The following PARD3B variants were observed in gnomAD, a reference collection of about 807,000 sequenced individuals.
PARD3B encodes par-3 family cell polarity regulator beta.
A neutral mutation model predicts 130.2 loss-of-function variants in PARD3B; 103 were observed. The observed-to-expected ratio is 0.79, with a 90% confidence interval of 0.67 to 0.93. The LOEUF is 0.93. Ranked by LOEUF, PARD3B falls within the 40% of genes least tolerant of loss-of-function variation. The probability of loss-of-function intolerance (pLI) is 0.00; values close to 1 mark genes in which losing one functional copy is unlikely to be tolerated. For missense variants in PARD3B, 1,609 were observed against 1,499.2 expected (o/e 1.07, Z -1.21); for synonymous variants, 583 against 553.2 (o/e 1.05, Z -0.76).
chr2:204,869,667 A>G (rs150783779), intron 2 of PARD3B, among the ~76,000 whole-genome samples: 1,833 of 152,106 alleles, frequency 0.012, 14 homozygotes, highest in Non-Finnish European at 0.02. Flanking sequence ...GATTCTTTTT[A>G]TGCAGTCTTG....
intron 3 of PARD3B, among the ~76,000 whole-genome samples, chr2:205,028,721 G>T (rs1697212407): frequency 6.6e-6 from 1 of 152,116 alleles, no homozygotes; most frequent in Non-Finnish European, 1.5e-5. Context: ...GAATTAGGAA[G>T]AAATTAAATT....
chr2:204,685,845 A>G (rs2125242907), intron 1 of PARD3B, among the ~76,000 whole-genome samples: 1 of 152,236 alleles, frequency 6.6e-6, no homozygotes. Context: ...TACCCTCAAG[A>G]AGATCTTTCT....
chr2:205,591,767 G>C lies in PARD3B; in HGVS notation c.3261-23689G>C, dbSNP rs989947647. On this transcript the variant is annotated intron_variant, in intron 22 of 22. Transcript: ENST00000406610. The surrounding 1 kb of genome is among the most constrained non-coding windows in gnomAD (Gnocchi z 4.2). Reference sequence around the variant, plus strand: ...GGACCCCAGTCAGATGAGATAAAAAGAGAAGGTCTGGTGGTTCAGGTCACT... The same window carrying C: ...GGACCCCAGTCAGATGAGATAAAAACAGAAGGTCTGGTGGTTCAGGTCACT... Among the ~76,000 whole-genome samples, 3 of 152,200 alleles carry C rather than the reference G, an allele frequency of 2.0e-5. No individual in the cohort carries two copies. Among genetic ancestry groups the C allele is most frequent in the Non-Finnish European group, 4.4e-5 (3 of 68,030 alleles).
chr2:205,041,856 T>G (rs1465433217), intron 3 of PARD3B, among the ~76,000 whole-genome samples: 1 of 152,198 alleles, frequency 6.6e-6, no homozygotes, highest in African/African-American at 2.4e-5. Flanking sequence ...ATATGTTATG[T>G]GATTCTTCAG....
chr2:205,486,363 T>C (rs1356651521), intron 20 of PARD3B, among the ~76,000 whole-genome samples: 1 of 152,206 alleles, frequency 6.6e-6, no homozygotes, highest in African/African-American at 2.4e-5. Context: ...GCATCTAGGC[T>C]AATGAGAGCT....
rs79716352 is a variant in PARD3B, at chr2:205,078,300, A to G, written c.505-26126A>G. On this transcript the variant is annotated intron_variant, in intron 4 of 22. Coordinates refer to ENST00000406610, the MANE Select transcript of PARD3B (RefSeq NM_001302769.2). The surrounding 1 kb of genome is among the most constrained non-coding windows in gnomAD (Gnocchi z 4.0). ...TCCTTTTATTAGATGTGACAGAGCA[A>G]TTTAGTATTGTAGGTTCACTCAATG... Among the ~76,000 whole-genome samples the G allele has an allele frequency of 1.8e-4, 28 of 152,284 alleles. No homozygotes were observed. The East Asian group carries it at 5.4e-3, about 29-fold the overall frequency.
intron 19 of PARD3B, among the ~76,000 whole-genome samples, chr2:205,408,981 T>C (rs2046505290): frequency 1.3e-5 from 2 of 152,148 alleles, no homozygotes; most frequent in Admixed American, 6.5e-5. Context: ...AAAATGCTGG[T>C]AAAAATGTGT....
chr2:204,573,757 A>T (rs2032120028), intron 1 of PARD3B, among the ~76,000 whole-genome samples: 1 of 151,908 alleles, frequency 6.6e-6, no homozygotes, highest in Non-Finnish European at 1.5e-5. Flanking sequence ...TTCTCCTTTC[A>T]TTTTACCAGC....
intron 2 of PARD3B, among the ~76,000 whole-genome samples, chr2:204,951,180 A>G (rs1361003860): frequency 3.3e-5 from 5 of 152,184 alleles, no homozygotes; most frequent in African/African-American, 1.2e-4. Flanking sequence ...TTAATCCTCT[A>G]CTGTCATCAT....
intron 1 of PARD3B, among the ~76,000 whole-genome samples, chr2:204,564,108 A>G (rs953454603): frequency 2.6e-5 from 4 of 152,192 alleles, no homozygotes; most frequent in African/African-American, 7.2e-5. Flanking sequence ...ATTGAAGCCC[A>G]GTGGCTGGTA....
rs1289383584 is a variant in PARD3B at position 205,592,160 on chromosome 2, G to A, written c.3261-23296G>A. Among the ~76,000 whole-genome samples the A allele has an allele frequency of 6.6e-6, 1 of 152,188 alleles. No individual in the cohort carries two copies. The highest frequency in any genetic ancestry group is 1.5e-5 in the Non-Finnish European group (1 of 68,038). On this transcript the variant is annotated intron_variant, in intron 22 of 22. Transcript: ENST00000406610. This position sits in a 1 kb window ranked among gnomAD's most constrained non-coding sequence, Gnocchi z 4.5. ...TCCGAGTGAAGAAAATAAACACAGA[G>A]AAGTTTCTCATTCAAAGCCAATGGC... is the stretch of plus-strand genomic sequence containing the variant.
intron 1 of PARD3B, among the ~76,000 whole-genome samples, chr2:204,580,648 C>A (rs2032506409): frequency 6.6e-6 from 1 of 152,116 alleles, no homozygotes; most frequent in African/African-American, 2.4e-5. Context: ...CACCTTCTCC[C>A]TAGGTGTCAT....
At chr2:205,058,912 C>A (rs1305160428) in intron 4 of PARD3B, among the ~76,000 whole-genome samples, 2 of 150,830 alleles carry the variant, frequency 1.3e-5, no homozygotes, top group African/African-American at 4.9e-5. Flanking sequence ...CTATTGTGTC[C>A]TTTGTGCAGA....
At chr2:205,168,320 A>AGTGTGTGTGTGTGT (rs1553630288) in intron 11 of PARD3B, among the ~76,000 whole-genome samples, 9 of 119,750 alleles carry the variant, frequency 7.5e-5, no homozygotes, top group South Asian at 5.5e-4. Flanking sequence ...AGAGAGAGAG[A>AGTGTGTGTGTGTGT]GTGTGTGTGT....
At chr2:205,556,859 G>A (rs1246921429) in intron 22 of PARD3B, among the ~76,000 whole-genome samples, 3 of 152,274 alleles carry the variant, frequency 2.0e-5, no homozygotes, top group East Asian at 1.9e-4. Context: ...GAACATCAAC[G>A]TATGTGTTTT....
At chr2:204,646,396 A>C (rs1455881819) in intron 1 of PARD3B, among the ~76,000 whole-genome samples, 1 of 152,024 alleles carries the variant, frequency 6.6e-6, no homozygotes, top group Non-Finnish European at 1.5e-5. Flanking sequence ...GTACTCATAC[A>C]GTGTTGTGTC....
At position 205,502,293 on chromosome 2, in the gene PARD3B, C is replaced by G. The variant is rs552523212; in HGVS notation, c.3180+2262C>G. 2.6e-5 allele frequency among the ~76,000 whole-genome samples: 4 copies of G among 152,208 alleles called. No homozygotes were observed. In the South Asian group the frequency reaches 8.3e-4, roughly 32 times the overall value. Reference sequence around the variant, plus strand: ...CAAGCGGCCAGACCCAACAAGGCAGCTTTTATGAGACTGTGGTTCCTAGAA... The same window carrying G: ...CAAGCGGCCAGACCCAACAAGGCAGGTTTTATGAGACTGTGGTTCCTAGAA... On this transcript the variant is annotated intron_variant, in intron 21 of 22. Coordinates refer to ENST00000406610, the MANE Select transcript of PARD3B (RefSeq NM_001302769.2).
intron 2 of PARD3B, among the ~76,000 whole-genome samples, chr2:204,849,750 A>C (rs1431493702): frequency 6.6e-6 from 1 of 152,126 alleles, no homozygotes; most frequent in Non-Finnish European, 1.5e-5. Flanking sequence ...TTCCTTTCTA[A>C]ATTTGTTAGT....
intron 16 of PARD3B, among the ~76,000 whole-genome samples, chr2:205,252,498 A>G (rs1288196156): frequency 2.0e-5 from 3 of 152,188 alleles, no homozygotes; most frequent in Non-Finnish European, 4.4e-5. Context: ...ACGTTTCAGA[A>G]AGGATATGCT....
Sources: allele counts gnomAD v4.1 joint callset (sites outside exome capture counted in the v4.1 genomes callset), GRCh38; gene constraint gnomAD v4.1.1; non-coding constraint Gnocchi (gnomAD v3.1); transcripts MANE v1.5; gene names NCBI Gene and HGNC (gene_info 2026-07-23, HGNC 2026-07-21).